The following B3GALT1 variants were observed in gnomAD, a reference collection of about 807,000 sequenced individuals.
The protein encoded by B3GALT1 is UDP-Gal:betaGlcNAc beta 1,3-galactosyltransferase, polypeptide 1.
Under a neutral mutation model 23.2 loss-of-function variants are expected in B3GALT1, and 10 were observed. The observed-to-expected ratio is 0.43, with a 90% CI of 0.27 to 0.73. The LOEUF is 0.73. Among genes scored for constraint, B3GALT1 ranks in the 30% least tolerant of loss-of-function variants. The probability of loss-of-function intolerance (pLI) is 0.21; values close to 1 mark genes in which losing one functional copy is unlikely to be tolerated. For missense variants in B3GALT1, 299 were observed against 405.4 expected (o/e 0.74, Z 2.25); for synonymous variants, 156 against 141.5 (o/e 1.10, Z -0.73).
At chr2:167,564,229 G>C (rs918356324) in intron 2 of B3GALT1, among the ~76,000 whole-genome samples, 3 of 151,376 alleles carry the variant, frequency 2.0e-5, no homozygotes, top group Admixed American at 2.0e-4. Context: ...CGGACGGGGC[G>C]GCAGGGCAGA....
intron 1 of B3GALT1, among the ~76,000 whole-genome samples, chr2:167,456,387 T>G (rs1015082757): frequency 6.6e-6 from 1 of 152,226 alleles, no homozygotes; most frequent in African/African-American, 2.4e-5. Flanking sequence ...ACCTACAACA[T>G]TGGGGATCAC....
chr2:167,636,960 A>G (rs977150630), intron 2 of B3GALT1, among the ~76,000 whole-genome samples: 2 of 152,026 alleles, frequency 1.3e-5, no homozygotes, highest in African/African-American at 4.8e-5. Context: ...ATTGTTCTGC[A>G]CAAGTATCCC....
chr2:167,342,833 A>T (rs1165027552), intron 1 of B3GALT1, among the ~76,000 whole-genome samples: 3 of 152,134 alleles, frequency 2.0e-5, no homozygotes, highest in Non-Finnish European at 4.4e-5. Context: ...TGTGGCCATT[A>T]TCACAGTGTG....
At chr2:167,723,589 G>T (rs1432838820) in intron 3 of B3GALT1, among the ~76,000 whole-genome samples, 1 of 151,170 alleles carries the variant, frequency 6.6e-6, no homozygotes, top group Non-Finnish European at 1.5e-5. Context: ...AAAGTGCAGT[G>T]GTGTGATCTC....
intron 2 of B3GALT1, among the ~76,000 whole-genome samples, chr2:167,528,791 C>T (rs76715349): frequency 0.038 from 5,775 of 152,164 alleles, 153 homozygotes; most frequent in South Asian, 0.069. Context: ...TGTTGTAATA[C>T]TTTTCATTTA....
chr2:167,821,797 T>C (rs1385102564), intron 4 of B3GALT1, among the ~76,000 whole-genome samples: 1 of 152,162 alleles, frequency 6.6e-6, no homozygotes, highest in Non-Finnish European at 1.5e-5. Flanking sequence ...TATAACTGCC[T>C]TTATTGTAGT....
chr2:167,441,845 T>C (rs1183168295), intron 1 of B3GALT1, among the ~76,000 whole-genome samples: 2 of 151,802 alleles, frequency 1.3e-5, no homozygotes, highest in African/African-American at 2.4e-5. Context: ...CCAGACAGCA[T>C]AGCAAGATCC....
At chr2:167,378,671 G>A (rs1697798867) in intron 1 of B3GALT1, among the ~76,000 whole-genome samples, 1 of 152,080 alleles carries the variant, frequency 6.6e-6, no homozygotes, top group African/African-American at 2.4e-5. Context: ...AATTCCAGGA[G>A]CTTTGATTGA....
intron 1 of B3GALT1, among the ~76,000 whole-genome samples, chr2:167,394,919 A>C (rs960057885): frequency 6.6e-6 from 1 of 152,128 alleles, no homozygotes; most frequent in African/African-American, 2.4e-5. Context: ...GCGTTCCACC[A>C]TTGTGCTTTG....
intron 1 of B3GALT1, among the ~76,000 whole-genome samples, chr2:167,332,844 G>T (rs1429930134): frequency 6.6e-6 from 1 of 152,120 alleles, no homozygotes; most frequent in East Asian, 1.9e-4. Context: ...TGACAAGCTG[G>T]TACAAATCTT....
intron 1 of B3GALT1, among the ~76,000 whole-genome samples, chr2:167,313,264 T>C (rs775634286): frequency 5.9e-5 from 9 of 152,132 alleles, no homozygotes; most frequent in Admixed American, 2.0e-4. Flanking sequence ...TGTTCCCTAC[T>C]TTTTATAGAA....
At chr2:167,800,091 A>T (rs1688612173) in intron 3 of B3GALT1, among the ~76,000 whole-genome samples, 1 of 152,230 alleles carries the variant, frequency 6.6e-6, no homozygotes, top group South Asian at 2.1e-4. Context: ...ACATGAATCT[A>T]TTCTCAGTAG....
At chr2:167,361,212 G>GTTT (rs66780629) in intron 1 of B3GALT1, among the ~76,000 whole-genome samples, 5 of 104,212 alleles carry the variant, frequency 4.8e-5, no homozygotes, top group East Asian at 2.8e-4. Context: ...TCCCCCACTA[G>GTTT]TTTTTTTTTT....
intron 2 of B3GALT1, among the ~76,000 whole-genome samples, chr2:167,564,714 T>A (rs1030930387): frequency 1.3e-5 from 2 of 152,126 alleles, no homozygotes; most frequent in Non-Finnish European, 2.9e-5. Context: ...TATACACCAA[T>A]AACAGACAGA....
rs553628629 is a variant in B3GALT1, at chr2:167,410,890, T to A, written c.-510-79287T>A. Among the ~76,000 whole-genome samples, 29 of 152,264 alleles carry A rather than the reference T, an allele frequency of 1.9e-4. No individual in the cohort carries two copies. In the South Asian group the frequency reaches 5.8e-3, roughly 30 times the overall value. ...CATTAAGATTGACCTTGTGTAAGTG[T>A]CACTTATGACCTCTTAGGTCATAAA... On this transcript the variant is annotated intron_variant, in intron 1 of 4. Transcript: ENST00000392690.
chr2:167,631,018 AAGG>A (rs1371947185), intron 2 of B3GALT1, among the ~76,000 whole-genome samples: 1 of 126,604 alleles, frequency 7.9e-6, no homozygotes, highest in African/African-American at 3.0e-5. Context: ...GGGTAAAAAA[AAGG>A]GGGGGGAATT....
intron 1 of B3GALT1, among the ~76,000 whole-genome samples, chr2:167,316,273 A>G (rs1696716301): frequency 6.6e-6 from 1 of 152,132 alleles, no homozygotes; most frequent in Non-Finnish European, 1.5e-5. Flanking sequence ...TGAAAACTAC[A>G]TTGGGGTGTG....
intron 3 of B3GALT1, among the ~76,000 whole-genome samples, chr2:167,694,071 T>G (rs1686755522): frequency 6.6e-6 from 1 of 152,104 alleles, no homozygotes; most frequent in Non-Finnish European, 1.5e-5. Flanking sequence ...AGGTTAAGGT[T>G]GGCTAGGTTC....
chr2:167,716,041 G>C (rs763890446), intron 3 of B3GALT1: 2 of 1,603,102 alleles, frequency 1.2e-6, no homozygotes, highest in Non-Finnish European at 1.7e-6. Flanking sequence ...AAGTAGGGCC[G>C]AGCGGTAGCG....
Sources: gnomAD v4.1 joint callset for allele counts (sites outside exome capture counted in the v4.1 genomes callset) on GRCh38, gnomAD v4.1.1 for gene constraint, MANE v1.5 for transcripts, NCBI Gene and HGNC (gene_info 2026-07-23, HGNC 2026-07-21) for gene names.